FRAS1: variants seen among roughly 807,000 people sequenced by gnomAD.
The protein encoded by FRAS1 is extracellular matrix organizing protein FRAS1.
FRAS1 carries 290 observed loss-of-function variants against 435.2 expected under a neutral mutation model. The ratio of observed to expected loss-of-function variants is 0.67; its 90% CI spans 0.61 to 0.73. FRAS1 has a LOEUF of 0.73. FRAS1 is among the 30% of genes least tolerant of loss of function. FRAS1 has a pLI of 0.00. For missense variants in FRAS1, 4,860 were observed against 5,001.5 expected (o/e 0.97, Z 0.85); for synonymous variants, 1,800 against 1,851.0 (o/e 0.97, Z 0.71).
intron 22 of FRAS1, among the ~76,000 whole-genome samples, chr4:78,364,518 A>G (rs1275512987): frequency 2.6e-5 from 4 of 152,174 alleles, no homozygotes; most frequent in Admixed American, 1.3e-4. Context: ...AAGGTTTTGC[A>G]TGCTGGAAAT....
chr4:78,337,536 C>T, intron 19 of FRAS1, 138 bp from the exon 20 acceptor site: 1 of 1,012,210 alleles, frequency 9.9e-7, no homozygotes, highest in South Asian at 1.5e-5. Context: ...AAGGGTGTGC[C>T]CGGCTTGCTC....
chr4:78,346,520 A>T (rs762950688), intron 20 of FRAS1, among the ~76,000 whole-genome samples: 1 of 152,140 alleles, frequency 6.6e-6, no homozygotes, highest in Non-Finnish European at 1.5e-5. Flanking sequence ...ATCAGCCTTC[A>T]TCACTGATCT....
At chr4:78,088,926 T>C (rs1741355566) in intron 2 of FRAS1, among the ~76,000 whole-genome samples, 2 of 152,190 alleles carry the variant, frequency 1.3e-5, no homozygotes, top group South Asian at 2.1e-4. Flanking sequence ...ATCCCATTAC[T>C]GGGTATATAC....
At chr4:78,518,532 A>G (rs556639106) in intron 66 of FRAS1, among the ~76,000 whole-genome samples, 7 of 151,492 alleles carry the variant, frequency 4.6e-5, no homozygotes, top group Non-Finnish European at 8.8e-5. Context: ...TCACACACAC[A>G]TATACAGCTA....
chr4:78,143,502 T>C (rs1196100818), intron 2 of FRAS1, among the ~76,000 whole-genome samples: 3 of 152,148 alleles, frequency 2.0e-5, no homozygotes, highest in African/African-American at 7.2e-5. Context: ...CATAAAATAG[T>C]GCATTTGACA....
chr4:78,123,983 G>A (rs1367864411), intron 2 of FRAS1, among the ~76,000 whole-genome samples: 1 of 152,150 alleles, frequency 6.6e-6, no homozygotes, highest in Admixed American at 6.6e-5. Flanking sequence ...TCTCTTGCCT[G>A]ATTGCCCTGG....
At chr4:78,463,435 T>G (rs984203941) in intron 47 of FRAS1, among the ~76,000 whole-genome samples, 4 of 152,178 alleles carry the variant, frequency 2.6e-5, no homozygotes, top group African/African-American at 9.7e-5. Context: ...GCGGTAAGTT[T>G]TGTTACTGCC....
At chr4:78,078,433 A>T (rs543253654) in intron 2 of FRAS1, among the ~76,000 whole-genome samples, 1 of 152,322 alleles carries the variant, frequency 6.6e-6, no homozygotes, top group Admixed American at 6.5e-5. Context: ...ACTGTAAGGT[A>T]AGGATAAAAC....
chr4:78,430,586 T>C (rs994735985), intron 37 of FRAS1, among the ~76,000 whole-genome samples, 169 bp downstream of exon 37: 2 of 152,162 alleles, frequency 1.3e-5, no homozygotes, highest in African/African-American at 4.8e-5. Flanking sequence ...TTCTTCGTGT[T>C]CCCACTTCCA....
At chr4:78,508,686 T>C in intron 62 of FRAS1, 45 bp from the exon 63 acceptor site, 1 of 1,609,208 alleles carries the variant, frequency 6.2e-7, no homozygotes, top group Non-Finnish European at 8.5e-7. Flanking sequence ...TTCTCTGACC[T>C]TGCCAATACC....
chr4:78,165,761 G>C (rs763274747), intron 2 of FRAS1, among the ~76,000 whole-genome samples: 1 of 152,166 alleles, frequency 6.6e-6, no homozygotes, highest in Non-Finnish European at 1.5e-5. Flanking sequence ...GAGATGACTG[G>C]CTGTTGACTG....
chr4:78,533,530 A>G (rs959275510), intron 70 of FRAS1, among the ~76,000 whole-genome samples: 1 of 152,254 alleles, frequency 6.6e-6, no homozygotes, highest in Non-Finnish European at 1.5e-5. Flanking sequence ...GGGATATGGG[A>G]AACCACTGAA....
intron 20 of FRAS1, among the ~76,000 whole-genome samples, chr4:78,357,680 T>C (rs967403207): frequency 2.0e-5 from 3 of 152,006 alleles, no homozygotes; most frequent in Non-Finnish European, 2.9e-5. Flanking sequence ...GGAGGGAAGA[T>C]TGCTTGAGGC....
chr4:78,532,128 T>G (rs760216916), intron 70 of FRAS1, among the ~76,000 whole-genome samples: 16 of 152,188 alleles, frequency 1.1e-4, no homozygotes, highest in Non-Finnish European at 2.2e-4. Context: ...GTCCTGACAG[T>G]ACAGGTAAGG....
intron 2 of FRAS1, among the ~76,000 whole-genome samples, chr4:78,227,852 G>A (rs1054242288): frequency 2.6e-5 from 4 of 152,178 alleles, no homozygotes; most frequent in South Asian, 2.1e-4. Context: ...GCTGTCATCC[G>A]TGTATCCAAC....
intron 70 of FRAS1, among the ~76,000 whole-genome samples, chr4:78,532,210 A>T (rs1001745806): frequency 6.6e-6 from 1 of 152,130 alleles, no homozygotes; most frequent in Non-Finnish European, 1.5e-5. Context: ...ACCCTGGCTG[A>T]CTGGTCATTC....
At chr4:78,460,173 A>G (rs528522012) in intron 47 of FRAS1, among the ~76,000 whole-genome samples, 10 of 152,310 alleles carry the variant, frequency 6.6e-5, no homozygotes, top group Non-Finnish European at 8.8e-5. Flanking sequence ...GGGAGGACTG[A>G]GGCATCATCT....
intron 48 of FRAS1, 42 bp downstream of exon 48, chr4:78,464,187 C>A: frequency 1.3e-6 from 2 of 1,579,892 alleles, no homozygotes; most frequent in Admixed American, 1.8e-5. Flanking sequence ...AGTATTGATT[C>A]CTCGCCATCT....
intron 64 of FRAS1, among the ~76,000 whole-genome samples, chr4:78,511,748 C>G (rs1445236542): frequency 6.6e-6 from 1 of 152,202 alleles, no homozygotes; most frequent in Non-Finnish European, 1.5e-5. Flanking sequence ...TCATGAGTAA[C>G]TTCCCAAGTG....
Sources: gnomAD v4.1 joint callset for allele counts (sites outside exome capture counted in the v4.1 genomes callset) on GRCh38, gnomAD v4.1.1 for gene constraint, MANE v1.5 for transcripts, NCBI Gene and HGNC (gene_info 2026-07-23, HGNC 2026-07-21) for gene names.